Variants in GPATCH8 observed in about 807,000 individuals in gnomAD.
GPATCH8 encodes G-patch domain containing 8.
In GPATCH8, 18 loss-of-function variants were observed where a neutral mutation model predicts 118.3. The ratio of observed to expected loss-of-function variants is 0.15; its 90% CI spans 0.11 to 0.23. The LOEUF is 0.23. Among genes scored for constraint, GPATCH8 ranks in the 10% least tolerant of loss-of-function variants. The pLI, the probability that GPATCH8 is intolerant of heterozygous loss-of-function variation, is 1.00. For missense variants in GPATCH8, 1,631 were observed against 1,873.8 expected (o/e 0.87, Z 2.39); for synonymous variants, 659 against 684.7 (o/e 0.96, Z 0.59).
At chr17:44,414,573 T>C (rs2049606196) in intron 6 of GPATCH8, among the ~76,000 whole-genome samples, 1 of 152,218 alleles carries the variant, frequency 6.6e-6, no homozygotes, top group African/African-American at 2.4e-5. Flanking sequence ...CCTCCCAAAG[T>C]GTTTACAGGC....
At chr17:44,447,126 G>A (rs934792693) in intron 3 of GPATCH8, among the ~76,000 whole-genome samples, 5 of 150,102 alleles carry the variant, frequency 3.3e-5, no homozygotes, top group Admixed American at 1.3e-4. Flanking sequence ...GTGATCCACC[G>A]CACCTGGCCT....
intron 3 of GPATCH8, among the ~76,000 whole-genome samples, chr17:44,445,080 T>C (rs542273261): frequency 6.6e-6 from 1 of 152,320 alleles, no homozygotes; most frequent in South Asian, 2.1e-4. Flanking sequence ...TGTAAACTTT[T>C]ATAATGAAAT....
intron 3 of GPATCH8, among the ~76,000 whole-genome samples, chr17:44,447,069 C>G (rs951960002): frequency 6.6e-6 from 1 of 151,970 alleles, no homozygotes; most frequent in Non-Finnish European, 1.5e-5. Context: ...CTCCTGACCT[C>G]AAGTGATCTG....
intron 1 of GPATCH8, among the ~76,000 whole-genome samples, chr17:44,484,550 T>C (rs1399103886): frequency 2.0e-5 from 3 of 152,118 alleles, no homozygotes. Context: ...TAGGTAGTAA[T>C]CCCAATGCTT....
At chr17:44,468,678 G>A (rs1967020687) in intron 2 of GPATCH8, among the ~76,000 whole-genome samples, 1 of 151,244 alleles carries the variant, frequency 6.6e-6, no homozygotes, top group Non-Finnish European at 1.5e-5. Flanking sequence ...ATATAATTTG[G>A]GGTTTAATTA....
At chr17:44,432,339 TTC>T (rs1377871661) in intron 5 of GPATCH8, among the ~76,000 whole-genome samples, 1 of 152,112 alleles carries the variant, frequency 6.6e-6, no homozygotes, top group East Asian at 1.9e-4. Flanking sequence ...ATGGTCCAAA[TTC>T]TCTTTCTTAA....
chr17:44,467,792 T>TGGG (rs1354617858), intron 2 of GPATCH8, among the ~76,000 whole-genome samples: 197 of 152,128 alleles, frequency 1.3e-3, no homozygotes, highest in South Asian at 3.1e-3. Flanking sequence ...TCGTCAAAAA[T>TGGG]CCAATAGGCT....
intron 6 of GPATCH8, among the ~76,000 whole-genome samples, chr17:44,419,746 G>C (rs2049825716): frequency 1.3e-5 from 2 of 151,562 alleles, no homozygotes; most frequent in Non-Finnish European, 2.9e-5. Flanking sequence ...CTGCAGCCTT[G>C]AACTCCTGGC....
In GPATCH8 at chr17:44,401,334, C is replaced by A; in HGVS notation, c.743G>T (p.Gly248Val). Residue 248 changes from glycine to valine, a missense_variant, in exon 8 of 8, where the codon GGC becomes GTC. Transcript: ENST00000591680. Reference protein sequence around the residue: ...NSGTGATASCGLGSEFSTDKG... With the variant: ...NSGTGATASCVLGSEFSTDKG... The stretch of plus-strand genomic sequence containing the variant: ...ATCTGTGGAGAATTCAGATCCCAGG[C>A]CACAAGAAGCAGTGGCACCTGTGCC... 1 of 1,610,798 alleles carries A rather than the reference C, an allele frequency of 6.2e-7. No homozygotes were observed. Among genetic ancestry groups the A allele is most frequent in the Non-Finnish European group, 8.5e-7 (1 of 1,178,248 alleles).
intron 6 of GPATCH8, among the ~76,000 whole-genome samples, chr17:44,417,929 T>C (rs983123447): frequency 9.9e-5 from 15 of 152,178 alleles, no homozygotes; most frequent in South Asian, 2.1e-4. Context: ...TTATGTAAAA[T>C]TGAATTTTTA....
intron 3 of GPATCH8, among the ~76,000 whole-genome samples, chr17:44,452,290 G>A (rs79437911): frequency 0.026 from 2,747 of 104,722 alleles, 12 homozygotes; most frequent in African/African-American, 0.042. Context: ...AAAAAAAAAA[G>A]AAAAAAAAAA....
intron 1 of GPATCH8, among the ~76,000 whole-genome samples, chr17:44,488,136 G>C (rs1188388702): frequency 6.6e-6 from 1 of 151,142 alleles, no homozygotes; most frequent in Non-Finnish European, 1.5e-5. Context: ...TGTTAGCCAG[G>C]ATGGTCTCAA....
intron 6 of GPATCH8, among the ~76,000 whole-genome samples, chr17:44,421,947 G>T (rs1167906694): frequency 6.6e-6 from 1 of 151,430 alleles, no homozygotes; most frequent in Non-Finnish European, 1.5e-5. Flanking sequence ...GGCTGGTCTC[G>T]AATTGGCTTC....
rs1598485767 is a variant in GPATCH8, at chr17:44,436,663, A to G, written c.194-118T>C. 1.2e-5 allele frequency: 9 copies of G among 736,378 alleles called. No individual in the cohort carries two copies. In the East Asian group the frequency reaches 1.6e-4, roughly 13 times the overall value. The allele number at this position is 736,378 out of a possible 1,614,324, so 45.6% of individuals were successfully genotyped here. On this transcript the variant is annotated intron_variant, in intron 3 of 7. Coordinates refer to ENST00000591680, the MANE Select transcript of GPATCH8 (RefSeq NM_001002909.4). ...TGGAGTGCAGAGACCAGAAAGCTAC[A>G]GTGAACCAAACACAAGCCATTCTCA...
chr17:44,416,166 TA>T (rs529290368), intron 6 of GPATCH8, among the ~76,000 whole-genome samples: 1 of 152,134 alleles, frequency 6.6e-6, no homozygotes, highest in Non-Finnish European at 1.5e-5. Flanking sequence ...CACGCCCAGC[TA>T]ATTTTTTTTT....
At chr17:44,439,945 G>A (rs957044661) in intron 3 of GPATCH8, among the ~76,000 whole-genome samples, 4 of 151,914 alleles carry the variant, frequency 2.6e-5, no homozygotes, top group South Asian at 2.1e-4. Flanking sequence ...CACCGTGCCC[G>A]GCTAATTCTG....
intron 1 of GPATCH8, among the ~76,000 whole-genome samples, chr17:44,497,405 C>T (rs954357201): frequency 6.6e-6 from 1 of 151,298 alleles, no homozygotes; most frequent in Non-Finnish European, 1.5e-5. Context: ...GCCTGGGCAA[C>T]ATGGAGAAAC....
At chr17:44,446,839 T>C (rs2050901786) in intron 3 of GPATCH8, among the ~76,000 whole-genome samples, 1 of 121,596 alleles carries the variant, frequency 8.2e-6, no homozygotes, top group Non-Finnish European at 1.8e-5. Flanking sequence ...ATTTCATCTA[T>C]TTTTTTTTCC....
At chr17:44,442,015 T>C (rs2050708606) in intron 3 of GPATCH8, among the ~76,000 whole-genome samples, 1 of 150,124 alleles carries the variant, frequency 6.7e-6, no homozygotes, top group African/African-American at 2.5e-5. Flanking sequence ...GCAACAAGAG[T>C]GAAACTCTGT....
Sources: allele counts gnomAD v4.1 joint callset (sites outside exome capture counted in the v4.1 genomes callset), GRCh38; gene constraint gnomAD v4.1.1; transcripts MANE v1.5; gene names NCBI Gene and HGNC (gene_info 2026-07-23, HGNC 2026-07-21).